ROR2: variants seen among roughly 807,000 people sequenced by gnomAD.
ROR2 encodes the protein ROR family WNT receptor 2.
A neutral mutation model predicts 74.9 loss-of-function variants in ROR2; 33 were observed. The ratio of observed to expected loss-of-function variants is 0.44; its 90% CI spans 0.33 to 0.59. The LOEUF (loss-of-function observed/expected upper bound fraction) is 0.59. Ranked by LOEUF, ROR2 falls within the 20% of genes least tolerant of loss-of-function variation. The probability of loss-of-function intolerance (pLI) is 0.02; values close to 1 mark genes in which losing one functional copy is unlikely to be tolerated. For missense variants in ROR2, 1,216 were observed against 1,313.8 expected, an observed-to-expected ratio of 0.93 and a Z score of 1.15; for synonymous variants, 586 against 558.7, an observed-to-expected ratio of 1.05 and a Z score of -0.69.
chr9:91,792,037 T>C (rs1263770379), intron 1 of ROR2, among the ~76,000 whole-genome samples: 2 of 151,892 alleles, frequency 1.3e-5, no homozygotes, highest in East Asian at 1.9e-4. Context: ...AATTAGAAAA[T>C]ACTTTGGGAT....
At chr9:91,839,561 T>G (rs1175704325) in intron 1 of ROR2, among the ~76,000 whole-genome samples, 1 of 151,830 alleles carries the variant, frequency 6.6e-6, no homozygotes, top group African/African-American at 2.4e-5. Flanking sequence ...GTGTCTGGTA[T>G]ATGAATGTGA....
At chr9:91,795,863 T>C (rs1248000807) in intron 1 of ROR2, among the ~76,000 whole-genome samples, 1 of 152,156 alleles carries the variant, frequency 6.6e-6, no homozygotes, top group African/African-American at 2.4e-5. Flanking sequence ...TAAGCATGAA[T>C]GTACATACAG....
intron 1 of ROR2, among the ~76,000 whole-genome samples, chr9:91,776,396 GCCAAGCCCTGAGCCATCTTT>G (rs1485946334): frequency 6.6e-6 from 1 of 152,064 alleles, no homozygotes; most frequent in Non-Finnish European, 1.5e-5. Flanking sequence ...GTCCCCAAAA[GCCAAGCCCTGAGCCATCTTT>G]CATAAAATGT....
chr9:91,801,564 C>A (rs1399077922), intron 1 of ROR2, among the ~76,000 whole-genome samples: 1 of 152,192 alleles, frequency 6.6e-6, no homozygotes, highest in Non-Finnish European at 1.5e-5. Context: ...ATCTCTTGAC[C>A]TCGTGATCAC....
intron 2 of ROR2, among the ~76,000 whole-genome samples, 198 bp from the exon 3 acceptor site, chr9:91,757,757 T>C (rs1825807041): frequency 6.6e-6 from 1 of 152,160 alleles, no homozygotes; most frequent in South Asian, 2.1e-4. Context: ...CCACTGCTCC[T>C]ATGGGAAATA....
At chr9:91,803,095 C>CAAAATGGTGCAGCCTCTGTAG (rs1554763908) in intron 1 of ROR2, among the ~76,000 whole-genome samples, 4 of 152,066 alleles carry the variant, frequency 2.6e-5, no homozygotes, top group African/African-American at 9.7e-5. Context: ...GGTGGGGGTG[C>CAAAATGGTGCAGCCTCTGTAG]AAAATGGTGC....
At position 91,948,869 on chromosome 9, in the gene ROR2, G is replaced by A. The variant is rs115807940; in HGVS notation, c.97+998C>T. On this transcript the variant is annotated intron_variant, in intron 1 of 8. Coordinates refer to ENST00000375708, the MANE Select transcript of ROR2 (RefSeq NM_004560.4). Reference sequence around the variant, plus strand: ...CTCCTCCACCCCCGCAGGGTGCCGAGAATCCGGCCCGAGGCGCGCGGGCGG... The same window carrying A: ...CTCCTCCACCCCCGCAGGGTGCCGAAAATCCGGCCCGAGGCGCGCGGGCGG... 575 of 985,470 alleles carry A rather than the reference G, an allele frequency of 5.8e-4. 3 individuals carry two copies. The African/African-American group carries it at 9.1e-3, about 16-fold the overall frequency. The allele number at this position is 985,470 out of a possible 1,614,324, so 61.0% of individuals were successfully genotyped here.
At chr9:91,888,623 C>T (rs567453088) in intron 1 of ROR2, among the ~76,000 whole-genome samples, 65 of 152,354 alleles carry the variant, frequency 4.3e-4, no homozygotes, top group African/African-American at 1.3e-3. Context: ...CCTGCCCATG[C>T]GTCCTCTTCC....
At chr9:91,911,948 A>AC (rs1337772375) in intron 1 of ROR2, among the ~76,000 whole-genome samples, 16 of 151,874 alleles carry the variant, frequency 1.1e-4, no homozygotes, top group East Asian at 1.9e-4. Context: ...AAAAAAAAAA[A>AC]AAAAAACCAC....
chr9:91,783,059 G>A (rs941615636), intron 1 of ROR2, among the ~76,000 whole-genome samples: 2 of 152,144 alleles, frequency 1.3e-5, no homozygotes, highest in African/African-American at 4.8e-5. Flanking sequence ...ATCTGCTGCA[G>A]GTCACTCCTT....
chr9:91,775,926 T>G (rs988474565), intron 1 of ROR2, 108 bp from the exon 2 acceptor site: 2 of 861,512 alleles, frequency 2.3e-6, no homozygotes, highest in Non-Finnish European at 3.9e-6. Flanking sequence ...ACCCAGTATT[T>G]GTAGAAAACA....
chr9:91,883,561 T>C (rs41308936), intron 1 of ROR2, among the ~76,000 whole-genome samples: 21,624 of 152,224 alleles, frequency 0.14, 1,968 homozygotes, highest in Non-Finnish European at 0.2. Context: ...CAGTGCTCAA[T>C]AGGGACATGT....
intron 1 of ROR2, 125 bp downstream of exon 1, chr9:91,949,742 C>T (rs1832119488): frequency 2.9e-6 from 2 of 701,606 alleles, no homozygotes. Context: ...AATGGCCCTG[C>T]CTGGCGCCCC....
In ROR2 at chr9:91,757,257, C is replaced by T; in HGVS notation, c.463+15G>A. The stretch of plus-strand genomic sequence containing the variant: ...TCATATCTGCTAACCCACACAATTT[C>T]ACTGTCCAACTCACCCAGCCGCACA... On this transcript the variant is annotated intron_variant, in intron 3 of 8. Coordinates refer to ENST00000375708, the MANE Select transcript of ROR2 (RefSeq NM_004560.4). The T allele has an allele frequency of 6.2e-7, 1 of 1,613,848 alleles. No individual in the cohort carries two copies. The highest frequency in any genetic ancestry group is 8.5e-7 in the Non-Finnish European group (1 of 1,179,944).
At chr9:91,925,905 C>T (rs1831382899) in intron 1 of ROR2, among the ~76,000 whole-genome samples, 3 of 152,278 alleles carry the variant, frequency 2.0e-5, no homozygotes, top group Non-Finnish European at 2.9e-5. Flanking sequence ...TTGGCTTCCA[C>T]GCACTCTGCC....
intron 2 of ROR2, among the ~76,000 whole-genome samples, chr9:91,769,961 C>T (rs1826176726): frequency 6.6e-6 from 1 of 152,208 alleles, no homozygotes; most frequent in Non-Finnish European, 1.5e-5. Context: ...GTTCAGGGGC[C>T]ACATCCTCCC....
intron 1 of ROR2, among the ~76,000 whole-genome samples, chr9:91,785,812 T>G (rs1476182981): frequency 6.6e-6 from 1 of 152,214 alleles, no homozygotes; most frequent in Non-Finnish European, 1.5e-5. Flanking sequence ...GCTTTGAACC[T>G]GAAATGCCCC....
rs775823582 is a variant in ROR2, at chr9:91,927,562, C to CTT, written c.97+22303_97+22304dup. Among the ~76,000 whole-genome samples the CTT allele has an allele frequency of 2.0e-3, 188 of 94,914 alleles. 4 individuals carry two copies. The highest frequency in any genetic ancestry group is 4.0e-3 in the African/African-American group (90 of 22,602). The allele number at this position is 94,914 out of a possible 152,430, so 62.3% of individuals were successfully genotyped here. On this transcript the variant is annotated intron_variant, in intron 1 of 8. Transcript: ENST00000375708. ...TGGCTGGCTCTGTGTTTTCTAGATTCTTTTTTTTTTTTTTTTTTTTTGAGA... is the reference window on the plus strand; with the variant it reads ...TGGCTGGCTCTGTGTTTTCTAGATTCTTTTTTTTTTTTTTTTTTTTTTTGAGA...
At chr9:91,947,852 CCAAA>C (rs983768380) in intron 1 of ROR2, among the ~76,000 whole-genome samples, 4 of 151,974 alleles carry the variant, frequency 2.6e-5, no homozygotes, top group African/African-American at 4.8e-5. Flanking sequence ...AGAAAAGATC[CCAAA>C]CACTCAAATC....
Sources: gnomAD v4.1 joint callset for allele counts (sites outside exome capture counted in the v4.1 genomes callset) on GRCh38, gnomAD v4.1.1 for gene constraint, MANE v1.5 for transcripts, NCBI Gene and HGNC (gene_info 2026-07-23, HGNC 2026-07-21) for gene names.